Variants in DNAH12 observed in about 807,000 individuals in gnomAD.
The protein encoded by DNAH12 is axonemal beta dynein heavy chain 12.
A neutral mutation model predicts 371.5 loss-of-function variants in DNAH12; 285 were observed. That is an observed-to-expected ratio of 0.77 (90% CI 0.70 to 0.85). The LOEUF (loss-of-function observed/expected upper bound fraction) is 0.85. DNAH12 is among the 40% of genes least tolerant of loss of function. The pLI is 0.00. For missense variants in DNAH12, 3,611 were observed against 3,689.4 expected (o/e 0.98, Z 0.55); for synonymous variants, 1,200 against 1,213.0 (o/e 0.99, Z 0.22).
rs2065025559 is a variant in DNAH12 at position 57,433,769 on chromosome 3, T to C, written c.4715A>G (p.Asp1572Gly). 1 of 1,551,146 alleles carries C rather than the reference T, an allele frequency of 6.4e-7. No individual in the cohort carries two copies. Among genetic ancestry groups the C allele is most frequent in the Non-Finnish European group, 8.7e-7 (1 of 1,146,828 alleles). The change falls in exon 31 of 74, where the codon GAT becomes GGT. Residue 1572 changes from aspartate (D) to glycine (G), a missense_variant. Asp to Gly is a moderately conservative substitution (Grantham distance 94, BLOSUM62 -1). Coordinates refer to ENST00000495027, the MANE Select transcript of DNAH12 (RefSeq NM_001366028.2). Reference protein sequence around the residue: ...AKTKVLHVLADTLTLMNEHGY... With the variant: ...AKTKVLHVLAGTLTLMNEHGY... ...ATGTTCATTCATTAAAGTTAGCGTA[T>C]CCGCCAGCACATGCAGAACTTTTGT... is the stretch of plus-strand genomic sequence containing the variant.
chr3:57,510,741 G>T, intron 5 of DNAH12, 49 bp downstream of exon 5: 1 of 1,562,522 alleles, frequency 6.4e-7, no homozygotes, highest in South Asian at 1.1e-5. Context: ...AGTGGGGACG[G>T]GGGGAGGCCA....
chr3:57,449,850 CA>C (rs747795646), intron 25 of DNAH12, among the ~76,000 whole-genome samples: 3 of 152,226 alleles, frequency 2.0e-5, no homozygotes, highest in Non-Finnish European at 4.4e-5. Flanking sequence ...GGAACCCAGG[CA>C]GAGGAGGCGC....
rs1035349999 is a variant in DNAH12 at position 57,421,625 on chromosome 3, G to A, written c.5455C>T (p.Arg1819Ter). 11 of 1,551,356 alleles carry A rather than the reference G, an allele frequency of 7.1e-6. No individual in the cohort carries two copies. Among genetic ancestry groups the A allele is most frequent in the African/African-American group, 5.5e-5 (4 of 72,996 alleles). Residue 1819 changes from arginine to a stop codon, truncating the protein, a stop_gained, in exon 36 of 74, where the codon CGA (arginine) becomes TGA (stop). Coordinates refer to ENST00000495027, the MANE Select transcript of DNAH12 (RefSeq NM_001366028.2). LOFTEE classifies it high-confidence loss of function. ...TCATCTTTTCCCAGTATGATTAATCGTATGAAAGTATCAAAAACACGACGG... is the reference window on the plus strand; with the variant it reads ...TCATCTTTTCCCAGTATGATTAATCATATGAAAGTATCAAAAACACGACGG... ...DGRRVFDTFI[R>*]LIILGKDDEN...
intron 62 of DNAH12, among the ~76,000 whole-genome samples, chr3:57,328,952 C>T (rs1462590718): frequency 7.5e-6 from 1 of 133,722 alleles, no homozygotes; most frequent in Non-Finnish European, 1.6e-5. Context: ...GAGTGAACTC[C>T]CATTCACAAT....
chr3:57,402,615 T>C (rs1392132833), intron 43 of DNAH12, among the ~76,000 whole-genome samples: 2 of 152,168 alleles, frequency 1.3e-5, no homozygotes, highest in South Asian at 2.1e-4. Context: ...TTCTCACTTA[T>C]ATGTAGGAGC....
intron 69 of DNAH12, among the ~76,000 whole-genome samples, chr3:57,304,040 C>A (rs1223389515): frequency 1.3e-5 from 2 of 151,006 alleles, no homozygotes; most frequent in Non-Finnish European, 3.0e-5. Flanking sequence ...AAATCTCCCC[C>A]ACTGAGCACC....
At chr3:57,360,805 T>G (rs2062910376) in intron 58 of DNAH12, among the ~76,000 whole-genome samples, 1 of 152,162 alleles carries the variant, frequency 6.6e-6, no homozygotes, top group Non-Finnish European at 1.5e-5. Context: ...TTCTTTTTAT[T>G]TTTTAATTAC....
the DNAH12 span, among the ~76,000 whole-genome samples, chr3:57,554,031 A>G: frequency 6.6e-6 from 1 of 151,770 alleles, no homozygotes; most frequent in African/African-American, 2.4e-5. Context: ...CACCATGTTT[A>G]GTAGAGATAA....
chr3:57,486,484 T>C (rs2066927873), intron 12 of DNAH12, among the ~76,000 whole-genome samples: 1 of 152,038 alleles, frequency 6.6e-6, no homozygotes, highest in Non-Finnish European at 1.5e-5. Context: ...GAAAAAACCA[T>C]GTAAAAACAA....
At chr3:57,307,318 C>G (rs553755034) in intron 69 of DNAH12, among the ~76,000 whole-genome samples, 5 of 151,650 alleles carry the variant, frequency 3.3e-5, no homozygotes, top group Non-Finnish European at 7.4e-5. Flanking sequence ...CCTTTCCCCA[C>G]TCCTCTTTCC....
At chr3:57,301,333 A>G (rs1180024918) in intron 70 of DNAH12, among the ~76,000 whole-genome samples, 1 of 150,504 alleles carries the variant, frequency 6.6e-6, no homozygotes, top group Non-Finnish European at 1.5e-5. Flanking sequence ...ACTTACCATC[A>G]GTATTAAAAT....
At chr3:57,414,980 C>T (rs1036956117) in intron 38 of DNAH12, among the ~76,000 whole-genome samples, 1 of 152,136 alleles carries the variant, frequency 6.6e-6, no homozygotes, top group African/African-American at 2.4e-5. Context: ...AGGATGCACT[C>T]ACATGGTTCC....
At chr3:57,462,639 T>G (rs1206170836) in intron 18 of DNAH12, 51 bp downstream of exon 18, 1 of 1,515,010 alleles carries the variant, frequency 6.6e-7, no homozygotes, top group Admixed American at 2.1e-5. Flanking sequence ...CTATGATTAC[T>G]TGATTAACGA....
chr3:57,524,414 G>A (rs1429164865), intron 2 of DNAH12, among the ~76,000 whole-genome samples: 1 of 152,102 alleles, frequency 6.6e-6, no homozygotes. Context: ...AAACTGTTAA[G>A]AGATTTTTTT....
chr3:57,404,374 CTACA>C (rs2063960514), intron 42 of DNAH12, among the ~76,000 whole-genome samples: 1 of 151,966 alleles, frequency 6.6e-6, no homozygotes, highest in Admixed American at 6.5e-5. Flanking sequence ...CAAAATAAGA[CTACA>C]TACATATTTA....
At chr3:57,345,904 C>T (rs1396551453) in intron 60 of DNAH12, among the ~76,000 whole-genome samples, 1 of 152,024 alleles carries the variant, frequency 6.6e-6, no homozygotes, top group East Asian at 1.9e-4. Flanking sequence ...GTTCATCTGT[C>T]TTTTCAAAGT....
At chr3:57,448,724 G>C (rs532378922) in intron 25 of DNAH12, among the ~76,000 whole-genome samples, 1 of 149,212 alleles carries the variant, frequency 6.7e-6, no homozygotes, top group East Asian at 2.0e-4. Context: ...GCTGATTGGT[G>C]CATTTACAAT....
At chr3:57,401,872 T>C (rs532704219) in intron 43 of DNAH12, among the ~76,000 whole-genome samples, 3 of 152,188 alleles carry the variant, frequency 2.0e-5, no homozygotes, top group African/African-American at 4.8e-5. Context: ...AACAATTGTA[T>C]GCCAATAAAT....
At position 57,343,076 on chromosome 3, in the gene DNAH12, GA is replaced by G. The variant is rs113412545; in HGVS notation, c.9675-8137del. On this transcript the variant is annotated intron_variant, in intron 60 of 73. Transcript: ENST00000495027. ...GACAGAGTGAGACTCTGTCTCAAAA[GA>G]AAAAAAAAATAGGCAAATGATCTGA... is the stretch of plus-strand genomic sequence containing the variant. 7.7e-3 allele frequency among the ~76,000 whole-genome samples: 1,112 copies of G among 144,370 alleles called. 12 individuals carry two copies. Among genetic ancestry groups the G allele is most frequent in the African/African-American group, 0.026 (1,027 of 39,942 alleles). The allele number at this position is 144,370 out of a possible 152,430, so 94.7% of individuals were successfully genotyped here. A position where few individuals can be genotyped will look rare whatever the true frequency, so the allele number is the denominator to read the frequency against.
Sources: allele counts gnomAD v4.1 joint callset (sites outside exome capture counted in the v4.1 genomes callset), GRCh38; gene constraint gnomAD v4.1.1; transcripts MANE v1.5; gene names NCBI Gene and HGNC (gene_info 2026-07-23, HGNC 2026-07-21).